The following GAN variants were observed in gnomAD, a reference collection of about 807,000 sequenced individuals.
GAN encodes epididymis secretory sperm binding protein.
A neutral mutation model predicts 71.3 loss-of-function variants in GAN; 48 were observed. That is an observed-to-expected ratio of 0.67 (90% CI 0.53 to 0.86). The LOEUF is 0.86. GAN is among the 40% of genes least tolerant of loss of function. The pLI is 0.00. For synonymous variants in GAN, 386 were observed against 276.8 expected, an observed-to-expected ratio of 1.39 and a Z score of -3.92; for missense variants, 928 against 770.1, an observed-to-expected ratio of 1.21 and a Z score of -2.43.
At chr16:81,330,995 C>T (rs966522037) in intron 1 of GAN, among the ~76,000 whole-genome samples, 1 of 152,142 alleles carries the variant, frequency 6.6e-6, no homozygotes, top group African/African-American at 2.4e-5. Context: ...TGCTTAAGCC[C>T]AGCAGTCTAG....
chr16:81,374,350 G>T (rs1904275350), intron 9 of GAN, among the ~76,000 whole-genome samples: 1 of 152,106 alleles, frequency 6.6e-6, no homozygotes, highest in Non-Finnish European at 1.5e-5. Context: ...TACTTTTGTG[G>T]AGATCATTCG....
At chr16:81,341,220 GC>G (rs1422481789) in intron 1 of GAN, among the ~76,000 whole-genome samples, 1 of 152,140 alleles carries the variant, frequency 6.6e-6, no homozygotes, top group African/African-American at 2.4e-5. Flanking sequence ...AAAACACTCT[GC>G]AGGATATTAT....
intron 2 of GAN, among the ~76,000 whole-genome samples, chr16:81,353,581 A>G (rs541197817): frequency 6.6e-6 from 1 of 152,286 alleles, no homozygotes; most frequent in African/African-American, 2.4e-5. Context: ...AAATGTAAAA[A>G]TGTTTCTTGC....
chr16:81,373,826 T>C (rs143952129), intron 9 of GAN, among the ~76,000 whole-genome samples: 7,582 of 152,276 alleles, frequency 0.05, 328 homozygotes, highest in African/African-American at 0.12. Flanking sequence ...CACTGCAACC[T>C]CCGCCTCCTG....
chr16:81,355,854 C>A (rs1910468125), intron 3 of GAN, among the ~76,000 whole-genome samples: 1 of 152,052 alleles, frequency 6.6e-6, no homozygotes, highest in Admixed American at 6.5e-5. Flanking sequence ...ATTCTGTAAG[C>A]CCATAAGTAT....
At chr16:81,341,611 C>T (rs1444893289) in intron 1 of GAN, among the ~76,000 whole-genome samples, 4 of 152,158 alleles carry the variant, frequency 2.6e-5, no homozygotes, top group Admixed American at 2.6e-4. Flanking sequence ...CCAGGCCTGC[C>T]TTACAAGAGC....
intron 1 of GAN, among the ~76,000 whole-genome samples, chr16:81,328,237 C>A (rs946300546): frequency 6.6e-6 from 1 of 152,206 alleles, no homozygotes; most frequent in Non-Finnish European, 1.5e-5. Flanking sequence ...TGGTTCTGAA[C>A]AGTATACTTA....
intron 6 of GAN, 91 bp downstream of exon 6, chr16:81,362,702 G>T (rs1427139243): frequency 1.8e-5 from 14 of 798,300 alleles, no homozygotes; most frequent in Non-Finnish European, 2.7e-5. Flanking sequence ...GGAAGAAACG[G>T]CAGCCTTGTC....
At chr16:81,319,707 C>T (rs1000390768) in intron 1 of GAN, among the ~76,000 whole-genome samples, 7 of 152,002 alleles carry the variant, frequency 4.6e-5, no homozygotes, top group Admixed American at 1.3e-4. Flanking sequence ...GGCTTCCCCC[C>T]GACCCCCCCT....
Position 81,354,396 on chromosome 16 carries a change from C to CT in GAN, c.283-3dup. The CT allele has an allele frequency of 6.4e-7, 1 of 1,574,054 alleles. No individual in the cohort carries two copies. Among genetic ancestry groups the CT allele is most frequent in the Non-Finnish European group, 8.7e-7 (1 of 1,143,504 alleles). On this transcript the variant is annotated splice_polypyrimidine_tract_variant and intron_variant, in intron 2 of 10. Coordinates refer to ENST00000648994, the MANE Select transcript of GAN (RefSeq NM_022041.4). Reference sequence around the variant, plus strand: ...ATTCAAATATAAGATAATTATGCTACTTTTTTAGATCAGGCTAAATGAAGA... The same window carrying CT: ...ATTCAAATATAAGATAATTATGCTACTTTTTTTAGATCAGGCTAAATGAAGA...
chr16:81,376,692 A>T (rs1407585158), intron 9 of GAN, among the ~76,000 whole-genome samples: 1 of 150,790 alleles, frequency 6.6e-6, no homozygotes, highest in Non-Finnish European at 1.5e-5. Flanking sequence ...ATATGTGTAT[A>T]TATATGCACA....
At chr16:81,317,423 T>A (rs992085067) in intron 1 of GAN, among the ~76,000 whole-genome samples, 2 of 152,220 alleles carry the variant, frequency 1.3e-5, no homozygotes, top group Non-Finnish European at 2.9e-5. Context: ...AGGCTTCAGC[T>A]CACTAATCTG....
rs1304435262 is a variant in GAN, at chr16:81,384,525, C to CT, written c.*6930dup. ...GTTAGCATCAGACAAGAAAATGTGT[C>CT]TATCTGTCATCTGACCCAGTATTTG... On this transcript the variant is annotated 3_prime_UTR_variant, in exon 11 of 11. Transcript: ENST00000648994. 3.4e-4 allele frequency: 51 copies of CT among 152,208 alleles called. No homozygotes were observed. The highest frequency in any genetic ancestry group is 1.1e-3 in the African/African-American group (45 of 41,546). The allele number at this position is 152,208 out of a possible 1,614,324, so 9.4% of individuals were successfully genotyped here. A position where few individuals can be genotyped will look rare whatever the true frequency, so the allele number is the denominator to read the frequency against.
Position 81,383,766 on chromosome 16 carries a change from G to C in GAN, c.*6170G>C, listed in dbSNP as rs1455000991. 3.3e-5 allele frequency: 5 copies of C among 152,172 alleles called. No homozygotes were observed. In the East Asian group the frequency reaches 9.7e-4, roughly 29 times the overall value. The allele number at this position is 152,172 out of a possible 1,614,324, so 9.4% of individuals were successfully genotyped here. ...AGGTGGAAAAGGATGGCAACACACAGAGTCCGGGGGACACACGGCCTTAAG... is the reference window on the plus strand; with the variant it reads ...AGGTGGAAAAGGATGGCAACACACACAGTCCGGGGGACACACGGCCTTAAG... On this transcript the variant is annotated 3_prime_UTR_variant, in exon 11 of 11. Transcript: ENST00000648994.
At chr16:81,344,188 A>G (rs548198257) in intron 1 of GAN, among the ~76,000 whole-genome samples, 1 of 152,354 alleles carries the variant, frequency 6.6e-6, no homozygotes, top group African/African-American at 2.4e-5. Context: ...CTTACTGCCC[A>G]AAGTAATTTA....
chr16:81,345,184 A>T (rs571150524), intron 1 of GAN, among the ~76,000 whole-genome samples: 6 of 152,328 alleles, frequency 3.9e-5, no homozygotes, highest in Admixed American at 2.6e-4. Flanking sequence ...ATTGTGGAAG[A>T]CAGTGTGGCG....
intron 2 of GAN, among the ~76,000 whole-genome samples, chr16:81,353,254 T>C (rs1381526573): frequency 1.4e-5 from 2 of 142,544 alleles, no homozygotes; most frequent in African/African-American, 5.4e-5. Context: ...ATTGCGCCAC[T>C]GCACTCCAGC....
intron 1 of GAN, 81 bp from the exon 2 acceptor site, chr16:81,351,502 G>T (rs2150683733): frequency 4.0e-6 from 3 of 744,664 alleles, no homozygotes; most frequent in African/African-American, 1.7e-5. Context: ...TATCTTATAC[G>T]TTATAGAGTT....
In GAN at chr16:81,351,467, A is replaced by G. The variant is rs891200179; in HGVS notation, c.168-116A>G. 8.0e-5 allele frequency: 53 copies of G among 661,096 alleles called. No individual in the cohort carries two copies. In the Admixed American group the frequency reaches 9.6e-4, roughly 12 times the overall value. The allele number at this position is 661,096 out of a possible 1,614,324, so 41.0% of individuals were successfully genotyped here. ...CTAAAGTTAACGAACTAAATTTTCT[A>G]GGTGGGGATTCATATACTGATAAGT... On this transcript the variant is annotated intron_variant, in intron 1 of 10. Coordinates refer to ENST00000648994, the MANE Select transcript of GAN (RefSeq NM_022041.4).
Sources: allele counts gnomAD v4.1 joint callset (sites outside exome capture counted in the v4.1 genomes callset), GRCh38; gene constraint gnomAD v4.1.1; transcripts MANE v1.5; gene names NCBI Gene and HGNC (gene_info 2026-07-23, HGNC 2026-07-21).